Variants in MYO9A observed in about 807,000 individuals in gnomAD.
MYO9A encodes unconventional myosin-IXa.
A neutral mutation model predicts 293.3 loss-of-function variants in MYO9A; 103 were observed. That is an observed-to-expected ratio of 0.35 (90% CI 0.30 to 0.41). The LOEUF is 0.41. MYO9A is among the 10% of genes least tolerant of loss of function. The pLI is 1.00. For synonymous variants in MYO9A, 1,001 were observed against 1,035.7 expected (o/e 0.97, Z 0.64); for missense variants, 2,685 against 3,033.0 (o/e 0.89, Z 2.69).
chr15:71,879,671 A>G (rs778913607), intron 30 of MYO9A, 50 bp downstream of exon 30: 1 of 1,380,892 alleles, frequency 7.2e-7, no homozygotes, highest in South Asian at 1.2e-5. Context: ...GCGCTATCAA[A>G]TTTTTCATAT....
intron 12 of MYO9A, among the ~76,000 whole-genome samples, chr15:71,975,893 G>A (rs2076132078): frequency 6.6e-6 from 1 of 152,186 alleles, no homozygotes; most frequent in Admixed American, 6.5e-5. Flanking sequence ...AGCTGAACAT[G>A]TGGGAGTTCC....
At chr15:72,110,953 A>G (rs2080758991) in intron 1 of MYO9A, among the ~76,000 whole-genome samples, 1 of 152,022 alleles carries the variant, frequency 6.6e-6, no homozygotes, top group Non-Finnish European at 1.5e-5. Context: ...AGGTCAGGAG[A>G]TCGAGACCAT....
At chr15:72,036,777 C>G (rs1247497613) in intron 2 of MYO9A, 2 of 151,938 alleles carry the variant, frequency 1.3e-5, no homozygotes, top group Non-Finnish European at 2.9e-5. Flanking sequence ...TGCAGTGGTG[C>G]TATAACAGCT....
chr15:71,951,483 A>T (rs2059049830), intron 15 of MYO9A, among the ~76,000 whole-genome samples: 1 of 151,726 alleles, frequency 6.6e-6, no homozygotes. Context: ...GTTGATTCCT[A>T]TCCATCACTT....
At chr15:71,833,104 T>A (rs533399624) in intron 39 of MYO9A, among the ~76,000 whole-genome samples, 2 of 151,618 alleles carry the variant, frequency 1.3e-5, no homozygotes, top group South Asian at 4.2e-4. Context: ...GCAGGACAAA[T>A]AAAAAGCACA....
At chr15:72,053,012 T>C (rs573115498) in intron 1 of MYO9A, among the ~76,000 whole-genome samples, 3 of 150,022 alleles carry the variant, frequency 2.0e-5, no homozygotes, top group Admixed American at 6.6e-5. Context: ...GATGGAATGC[T>C]GCCCAGGCCG....
At chr15:71,984,990 G>A (rs1464241974) in intron 11 of MYO9A, among the ~76,000 whole-genome samples, 1 of 152,168 alleles carries the variant, frequency 6.6e-6, no homozygotes, top group African/African-American at 2.4e-5. Flanking sequence ...TACAAACTCA[G>A]CTCACTGCAA....
chr15:71,958,251 G>A (rs767932688), intron 14 of MYO9A, among the ~76,000 whole-genome samples: 1 of 151,708 alleles, frequency 6.6e-6, no homozygotes, highest in Non-Finnish European at 1.5e-5. Flanking sequence ...TAATATTTAC[G>A]GTCATTATAA....
chr15:71,960,026 G>T lies in MYO9A; in HGVS notation c.2057C>A (p.Ala686Glu). 1.2e-6 allele frequency: 2 copies of T among 1,613,968 alleles called. No individual in the cohort carries two copies. The highest frequency in any genetic ancestry group is 1.7e-6 in the Non-Finnish European group (2 of 1,179,958). The change falls in exon 14 of 42, where the codon GCA becomes GAA. Residue 686 changes from alanine to glutamate, a missense_variant. Around this residue, in one of 10 missense-constraint regions of MYO9A, gnomAD observed 201 missense variants for 245.2 expected, o/e 0.82. Coordinates refer to ENST00000356056, the MANE Select transcript of MYO9A (RefSeq NM_006901.4). ...AATTCCAATCATCCCAGAGATAAATGCATTCTTGCTGCTTCTCAGAAGAGC... is the reference window on the plus strand; with the variant it reads ...AATTCCAATCATCCCAGAGATAAATTCATTCTTGCTGCTTCTCAGAAGAGC... ...IVALLRSSKN[A>E]FISGMIGIDP...
chr15:71,985,363 T>C (rs965648756), intron 11 of MYO9A, among the ~76,000 whole-genome samples: 3 of 152,230 alleles, frequency 2.0e-5, no homozygotes, highest in Non-Finnish European at 4.4e-5. Context: ...AGTTGGATGA[T>C]GTCTTCTTCT....
chr15:72,062,996 T>C (rs578035952), intron 1 of MYO9A, among the ~76,000 whole-genome samples: 11 of 152,336 alleles, frequency 7.2e-5, no homozygotes, highest in Admixed American at 7.2e-4. Context: ...CACTCCAGCC[T>C]GGATGACAGA....
At chr15:72,083,241 G>A (rs2079608671) in intron 1 of MYO9A, among the ~76,000 whole-genome samples, 1 of 152,094 alleles carries the variant, frequency 6.6e-6, no homozygotes, top group Admixed American at 6.5e-5. Flanking sequence ...TCCTGGTTGA[G>A]TCTTAGGAAG....
At position 71,901,354 on chromosome 15, in the gene MYO9A, G is replaced by T; in HGVS notation, c.3001-14C>A. 6.2e-7 allele frequency: 1 copy of T among 1,602,376 alleles called. No individual in the cohort carries two copies. The highest frequency in any genetic ancestry group is 8.5e-7 in the Non-Finnish European group (1 of 1,175,988). On this transcript the variant is annotated splice_polypyrimidine_tract_variant and intron_variant, in intron 22 of 41. Transcript: ENST00000356056. ...CTTTAGAAAGACCTACCAAAAGGAA[G>T]AAAGATGAGGAATGCAGCTTAAGAA... is the stretch of plus-strand genomic sequence containing the variant.
chr15:71,832,533 G>T (rs2054771373), intron 39 of MYO9A, among the ~76,000 whole-genome samples: 1 of 152,130 alleles, frequency 6.6e-6, no homozygotes, highest in South Asian at 2.1e-4. Flanking sequence ...ATAATGGAAT[G>T]CAGAAAACAA....
intron 1 of MYO9A, among the ~76,000 whole-genome samples, chr15:72,059,526 T>C (rs1343846220): frequency 6.6e-6 from 1 of 152,254 alleles, no homozygotes; most frequent in Non-Finnish European, 1.5e-5. Flanking sequence ...GGTGTTTGAC[T>C]TGTTTTAGCC....
chr15:72,028,464 A>G (rs1035207227), intron 3 of MYO9A, among the ~76,000 whole-genome samples: 1 of 151,328 alleles, frequency 6.6e-6, no homozygotes, highest in Non-Finnish European at 1.5e-5. Context: ...CCTGACCAAC[A>G]TGGAGAAACC....
At chr15:71,938,737 T>C (rs1201632576) in intron 16 of MYO9A, 115 bp downstream of exon 16, 1 of 867,292 alleles carries the variant, frequency 1.2e-6, no homozygotes, top group Non-Finnish European at 1.7e-6. Flanking sequence ...ATTCAAGAAA[T>C]AAAAAAACAA....
At chr15:71,848,739 T>C in intron 39 of MYO9A, 106 bp downstream of exon 39, 1 of 1,341,618 alleles carries the variant, frequency 7.5e-7, no homozygotes, top group African/African-American at 1.5e-5. Context: ...TTTACTTGTT[T>C]TTTATAAAAA....
At chr15:72,101,482 G>A (rs1215722077) in intron 1 of MYO9A, among the ~76,000 whole-genome samples, 5 of 103,164 alleles carry the variant, frequency 4.8e-5, no homozygotes, top group East Asian at 3.8e-4. Context: ...TCAGCCCCCC[G>A]CCCGGCCAGC....
Sources: gnomAD v4.1 joint callset for allele counts (sites outside exome capture counted in the v4.1 genomes callset) on GRCh38, gnomAD v4.1.1 for gene constraint, gnomAD v4.1.1 regional missense constraint, MANE v1.5 for transcripts, NCBI Gene and HGNC (gene_info 2026-07-23, HGNC 2026-07-21) for gene names.